The following EYS variants were observed in gnomAD, a reference collection of about 807,000 sequenced individuals.
The protein encoded by EYS is protein eyes shut homolog.
EYS carries 250 observed loss-of-function variants against 282.1 expected under a neutral mutation model. The ratio of observed to expected loss-of-function variants is 0.89; its 90% CI spans 0.80 to 0.98. The LOEUF (loss-of-function observed/expected upper bound fraction) is 0.98. Among genes scored for constraint, EYS ranks in the 50% least tolerant of loss-of-function variants. The pLI, the probability that EYS is intolerant of heterozygous loss-of-function variation, is 0.00. For synonymous variants in EYS, 1,355 were observed against 1,282.9 expected (o/e 1.06, Z -1.20); for missense variants, 4,016 against 3,709.0 (o/e 1.08, Z -2.15).
intron 22 of EYS, among the ~76,000 whole-genome samples, chr6:64,749,052 C>T (rs889416564): frequency 2.0e-5 from 3 of 152,222 alleles, no homozygotes; most frequent in African/African-American, 7.2e-5. Flanking sequence ...GGATGACAGG[C>T]GTGAGCCACC....
At chr6:64,900,098 T>C (rs575378251) in intron 18 of EYS, among the ~76,000 whole-genome samples, 93 of 152,132 alleles carry the variant, frequency 6.1e-4, no homozygotes, top group Non-Finnish European at 1.2e-3. Context: ...CCATCTGATC[T>C]TTGACAAAGC....
At chr6:65,452,604 T>C (rs1182196674) in intron 5 of EYS, among the ~76,000 whole-genome samples, 1 of 152,030 alleles carries the variant, frequency 6.6e-6, no homozygotes, top group East Asian at 1.9e-4. Context: ...AATCAAAATG[T>C]CATTTAGAAG....
At chr6:63,936,788 A>C (rs1162115282) in intron 35 of EYS, among the ~76,000 whole-genome samples, 1 of 152,238 alleles carries the variant, frequency 6.6e-6, no homozygotes, top group Non-Finnish European at 1.5e-5. Flanking sequence ...ACCTACACTA[A>C]AATGTAATTT....
chr6:63,941,914 T>C (rs953558876), intron 35 of EYS, among the ~76,000 whole-genome samples: 2 of 152,232 alleles, frequency 1.3e-5, no homozygotes, highest in Non-Finnish European at 2.9e-5. Context: ...GCTTTGTCAC[T>C]GAAGTCAGGA....
chr6:64,740,439 T>C (rs1438939089), intron 22 of EYS, among the ~76,000 whole-genome samples: 2 of 152,196 alleles, frequency 1.3e-5, no homozygotes, highest in African/African-American at 4.8e-5. Flanking sequence ...AGGTGATCTA[T>C]AGAAGCAGAG....
At chr6:65,375,108 G>A (rs780486121) in intron 8 of EYS, among the ~76,000 whole-genome samples, 11 of 152,264 alleles carry the variant, frequency 7.2e-5, no homozygotes, top group South Asian at 4.1e-4. Flanking sequence ...CCCAACAGAG[G>A]TCGACAGACA....
chr6:64,655,264 A>G (rs1768704614), intron 22 of EYS, among the ~76,000 whole-genome samples: 1 of 152,160 alleles, frequency 6.6e-6, no homozygotes, highest in Non-Finnish European at 1.5e-5. Flanking sequence ...AACTGCATTA[A>G]GAGAGATGAT....
chr6:64,211,934 G>A (rs562025505), intron 31 of EYS, among the ~76,000 whole-genome samples: 38 of 151,744 alleles, frequency 2.5e-4, no homozygotes, highest in East Asian at 2.3e-3. Context: ...TGGCCAACAT[G>A]GTAAAAACCC....
At chr6:64,151,227 ATGTT>A (rs1326914729) in intron 31 of EYS, among the ~76,000 whole-genome samples, 3 of 148,486 alleles carry the variant, frequency 2.0e-5, no homozygotes, top group African/African-American at 7.4e-5. Flanking sequence ...AGTTTAAAGA[ATGTT>A]TGTTAAAGTT....
intron 26 of EYS, among the ~76,000 whole-genome samples, chr6:64,465,186 C>T (rs950315382): frequency 6.6e-6 from 1 of 151,882 alleles, no homozygotes; most frequent in African/African-American, 2.4e-5. Context: ...TTCATACTAC[C>T]CAAAGTGATC....
At chr6:65,455,123 C>T (rs1764552821) in intron 5 of EYS, among the ~76,000 whole-genome samples, 1 of 151,892 alleles carries the variant, frequency 6.6e-6, no homozygotes, top group Admixed American at 6.6e-5. Context: ...CCAATTCTTC[C>T]CATTTGTAAA....
intron 26 of EYS, among the ~76,000 whole-genome samples, chr6:64,559,271 A>ATTTGTGTGTGTGTGTGTGTGTGTGTGTG (rs1765326416): frequency 7.0e-6 from 1 of 142,208 alleles, no homozygotes; most frequent in Non-Finnish European, 1.5e-5. Context: ...GTGTGTGTGC[A>ATTTGTGTGTGTGTGTGTGTGTGTGTGTG]TGTGTGTGTG....
At chr6:64,859,229 T>A (rs1766161032) in intron 19 of EYS, among the ~76,000 whole-genome samples, 1 of 147,780 alleles carries the variant, frequency 6.8e-6, no homozygotes, top group Middle Eastern at 3.3e-3. Context: ...CTAATATATT[T>A]ATATTTATTA....
chr6:64,722,751 T>C (rs1771624807), intron 22 of EYS, among the ~76,000 whole-genome samples: 1 of 152,200 alleles, frequency 6.6e-6, no homozygotes, highest in Non-Finnish European at 1.5e-5. Flanking sequence ...TCCTTGGCCA[T>C]TAACATCTTG....
rs571260879 is a variant in EYS, at chr6:64,152,878, G to C, written c.6425-70876C>G. 8.3e-4 allele frequency among the ~76,000 whole-genome samples: 127 copies of C among 152,212 alleles called. 1 individual carries two copies. In the South Asian group the frequency reaches 0.026, roughly 31 times the overall value. ...TAAAATAGAGAATAAAAGTAGCTTA[G>C]CAGGACAAAGGTAACAATAAAACCC... On this transcript the variant is annotated intron_variant, in intron 31 of 42. Coordinates refer to ENST00000503581, the MANE Select transcript of EYS (RefSeq NM_001142800.2).
chr6:64,226,437 A>G (rs1766254816), intron 31 of EYS, among the ~76,000 whole-genome samples: 1 of 152,264 alleles, frequency 6.6e-6, no homozygotes, highest in East Asian at 1.9e-4. Context: ...ACTGTTTTAT[A>G]GAACACTAAA....
At chr6:65,021,957 TG>T (rs1304624515) in intron 13 of EYS, among the ~76,000 whole-genome samples, 1 of 152,140 alleles carries the variant, frequency 6.6e-6, no homozygotes, top group African/African-American at 2.4e-5. Flanking sequence ...AACAGCAGCA[TG>T]GGGTAATAAT....
chr6:65,098,654 T>C (rs1038074857), intron 12 of EYS, among the ~76,000 whole-genome samples: 2 of 150,830 alleles, frequency 1.3e-5, no homozygotes, highest in African/African-American at 4.8e-5. Flanking sequence ...TTTTTAGGAT[T>C]CTGAACAGCT....
intron 22 of EYS, among the ~76,000 whole-genome samples, chr6:64,772,703 T>C (rs7761013): frequency 0.16 from 24,675 of 151,774 alleles, 3,280 homozygotes; most frequent in African/African-American, 0.36. Context: ...TCTACTCCCT[T>C]TCTCCATGAG....
Sources: allele counts gnomAD v4.1 joint callset (sites outside exome capture counted in the v4.1 genomes callset), GRCh38; gene constraint gnomAD v4.1.1; transcripts MANE v1.5; gene names NCBI Gene and HGNC (gene_info 2026-07-23, HGNC 2026-07-21).